The following BLTP1 variants were observed in gnomAD, a reference collection of about 807,000 sequenced individuals.
The protein encoded by BLTP1 is bridge-like lipid transfer protein family member 1, also known as fragile site-associated protein.
chr4:122,245,232 A>T, the BLTP1 span: 1 of 1,138,044 alleles, frequency 8.8e-7, no homozygotes, highest in Admixed American at 2.1e-5. Context: ...TTACAAGTTA[A>T]ATCAGAATAT....
At chr4:122,351,280 A>G in the BLTP1 span, 1 of 904,826 alleles carries the variant, frequency 1.1e-6, no homozygotes, top group Non-Finnish European at 1.3e-6. Flanking sequence ...AGCAAAAAAT[A>G]AAACCATCAC....
chr4:122,280,251 A>T, the BLTP1 span: 2 of 941,890 alleles, frequency 2.1e-6, no homozygotes, highest in African/African-American at 3.6e-5. Context: ...GTATTGTAAG[A>T]GGTACTAATA....
chr4:122,186,897 T>C, the BLTP1 span: 11 of 363,202 alleles, frequency 3.0e-5, 1 homozygote, highest in Non-Finnish European at 4.2e-5. Flanking sequence ...TTGTGTACTT[T>C]GTATATGGCC....
the BLTP1 span, chr4:122,226,713 T>C: frequency 6.2e-7 from 1 of 1,613,512 alleles, no homozygotes; most frequent in South Asian, 1.1e-5. Context: ...GTAGCTGGCA[T>C]GCCTCTTGGA....
the BLTP1 span, chr4:122,336,366 C>G: frequency 1.4e-5 from 22 of 1,529,102 alleles, no homozygotes; most frequent in Non-Finnish European, 1.8e-5. Context: ...AAGCATCCTT[C>G]TTATATACCT....
chr4:122,334,594 G>T, the BLTP1 span: 48,043 of 1,567,900 alleles, frequency 0.031, 1,042 homozygotes, highest in Non-Finnish European at 0.033. Flanking sequence ...AAAATTTTTA[G>T]TTATTACCTA....
the BLTP1 span, chr4:122,336,174 A>T: frequency 6.5e-7 from 1 of 1,549,770 alleles, no homozygotes; most frequent in East Asian, 2.3e-5. Context: ...CATTAAATGG[A>T]ATTTATAAAT....
At chr4:122,263,261 T>C in the BLTP1 span, 1 of 984,172 alleles carries the variant, frequency 1.0e-6, no homozygotes, top group South Asian at 4.7e-5. Flanking sequence ...TCCCCTGTTA[T>C]AATAAAAATA....
the BLTP1 span, among the ~76,000 whole-genome samples, chr4:122,357,533 A>G: frequency 2.0e-5 from 3 of 150,500 alleles, no homozygotes; most frequent in South Asian, 6.3e-4. Context: ...TAATTGCACC[A>G]CCACACTCCA....
chr4:122,356,782 G>A, the BLTP1 span: 3,292 of 1,596,592 alleles, frequency 2.1e-3, 11 homozygotes, highest in Non-Finnish European at 2.5e-3. Context: ...TTTTCTTTTA[G>A]GCTGCAAGAA....
the BLTP1 span, chr4:122,355,964 A>T: frequency 6.2e-7 from 1 of 1,611,018 alleles, no homozygotes; most frequent in Non-Finnish European, 8.5e-7. Context: ...ATTCATGTTC[A>T]AGAACCACAG....
the BLTP1 span, among the ~76,000 whole-genome samples, chr4:122,205,475 T>C: frequency 6.6e-6 from 1 of 151,280 alleles, no homozygotes; most frequent in Non-Finnish European, 1.5e-5. Context: ...CAGTCTGTGC[T>C]ATAATAATAC....
At chr4:122,199,864 A>G in the BLTP1 span, 1 of 947,134 alleles carries the variant, frequency 1.1e-6, no homozygotes, top group Non-Finnish European at 1.3e-6. Flanking sequence ...GAGTAAGGTA[A>G]AATGAAGAAA....
At chr4:122,344,858 T>C in the BLTP1 span, 1 of 984,928 alleles carries the variant, frequency 1.0e-6, no homozygotes, top group Non-Finnish European at 1.2e-6. Flanking sequence ...CAGTTTCTTT[T>C]TGTTCTTCTA....
chr4:122,356,576 G>A, the BLTP1 span: 1 of 1,592,708 alleles, frequency 6.3e-7, no homozygotes, highest in Non-Finnish European at 8.5e-7. Context: ...CCTTATTAAT[G>A]GGAAGATGAC....
chr4:122,208,574 G>A, the BLTP1 span: 24 of 964,492 alleles, frequency 2.5e-5, no homozygotes, highest in Non-Finnish European at 2.8e-5. Context: ...GCTTATAAAA[G>A]TTTTTTTAAA....
At chr4:122,290,088 A>C in the BLTP1 span, among the ~76,000 whole-genome samples, 1 of 152,166 alleles carries the variant, frequency 6.6e-6, no homozygotes, top group Admixed American at 6.5e-5. Flanking sequence ...TGGATGAAGG[A>C]ACTACATTAT....
chr4:122,292,702 A>C, the BLTP1 span: 3 of 571,338 alleles, frequency 5.3e-6, no homozygotes, highest in African/African-American at 6.1e-5. Flanking sequence ...AATTGATGAG[A>C]TATTTGCCTG....
At chr4:122,272,540 A>G in the BLTP1 span, 1 of 649,688 alleles carries the variant, frequency 1.5e-6, no homozygotes, top group Non-Finnish European at 2.6e-6. Flanking sequence ...GGACTTCCCA[A>G]ATTCTGAGGT....
Sources: allele counts gnomAD v4.1 joint callset (sites outside exome capture counted in the v4.1 genomes callset), GRCh38; gene constraint gnomAD v4.1.1; transcripts MANE v1.5; gene names NCBI Gene and HGNC (gene_info 2026-07-23, HGNC 2026-07-21).